Variants in DLG2 observed in about 807,000 individuals in gnomAD.
DLG2 encodes discs large MAGUK scaffold protein 2, also known as disks large homolog 2.
Under a neutral mutation model 132.5 loss-of-function variants are expected in DLG2, and 45 were observed. The observed-to-expected ratio is 0.34, with a 90% confidence interval of 0.27 to 0.44. DLG2 has a LOEUF of 0.44. Among genes scored for constraint, DLG2 ranks in the 20% least tolerant of loss-of-function variants. The pLI, the probability that DLG2 is intolerant of heterozygous loss-of-function variation, is 1.00. For missense variants in DLG2, 1,045 were observed against 1,196.9 expected (o/e 0.87, Z 1.87); for synonymous variants, 424 against 419.6 (o/e 1.01, Z -0.13).
intron 9 of DLG2, among the ~76,000 whole-genome samples, chr11:84,128,248 T>C (rs1035159630): frequency 8.5e-5 from 13 of 152,158 alleles, no homozygotes; most frequent in Non-Finnish European, 1.9e-4. Context: ...TTGTAACCAA[T>C]ACACTTAGAA....
At chr11:85,558,586 T>C (rs928738028) in intron 3 of DLG2, among the ~76,000 whole-genome samples, 2 of 151,908 alleles carry the variant, frequency 1.3e-5, no homozygotes, top group African/African-American at 4.8e-5. Context: ...GTGGTATATA[T>C]ACACCGTGGA....
Position 84,717,910 on chromosome 11 carries a change from A to G in DLG2, c.358-183179T>C, listed in dbSNP as rs913385553. ...TATTGCTGTGGCCACTTTACATATGAAGAAACTGAGACTTACATAAATCAT... is the reference window on the plus strand; with the variant it reads ...TATTGCTGTGGCCACTTTACATATGGAGAAACTGAGACTTACATAAATCAT... On this transcript the variant is annotated intron_variant, in intron 6 of 27. Transcript: ENST00000376104. Among the ~76,000 whole-genome samples, 4 of 152,220 alleles carry G rather than the reference A, an allele frequency of 2.6e-5. No individual in the cohort carries two copies. In the East Asian group the frequency reaches 7.7e-4, roughly 29 times the overall value.
chr11:84,706,719 G>A (rs911455655), intron 6 of DLG2, among the ~76,000 whole-genome samples: 16 of 151,588 alleles, frequency 1.1e-4, no homozygotes, highest in Non-Finnish European at 2.2e-4. Flanking sequence ...AAGGAAGAAA[G>A]GAAGGAAGGG....
chr11:84,029,998 A>G (rs12274799), intron 11 of DLG2, among the ~76,000 whole-genome samples: 15,491 of 152,132 alleles, frequency 0.1, 1,064 homozygotes, highest in African/African-American at 0.19. Context: ...ATACACATAC[A>G]TACACATATA....
chr11:84,172,064 A>G (rs964252998), intron 8 of DLG2, among the ~76,000 whole-genome samples: 3 of 152,218 alleles, frequency 2.0e-5, no homozygotes, highest in Admixed American at 1.3e-4. Context: ...ACAAGCTGTT[A>G]GAATTCATCT....
At chr11:84,697,663 T>C (rs10898285) in intron 6 of DLG2, among the ~76,000 whole-genome samples, 54,572 of 151,176 alleles carry the variant, frequency 0.36, 10,291 homozygotes, top group East Asian at 0.63. Flanking sequence ...ACTATCATTA[T>C]CTCTATTTTA....
chr11:84,875,547 C>A (rs142478092), intron 6 of DLG2, among the ~76,000 whole-genome samples: 16 of 151,682 alleles, frequency 1.1e-4, no homozygotes, highest in South Asian at 2.1e-4. Context: ...CTATGTACAT[C>A]ATGGTTTTCC....
chr11:83,716,394 G>A (rs1182618942), intron 18 of DLG2, among the ~76,000 whole-genome samples: 1 of 152,096 alleles, frequency 6.6e-6, no homozygotes, highest in Non-Finnish European at 1.5e-5. Flanking sequence ...CTTAACCAGT[G>A]GAATTAACAT....
chr11:85,190,437 T>C (rs1323865438), intron 4 of DLG2, among the ~76,000 whole-genome samples: 1 of 150,492 alleles, frequency 6.6e-6, no homozygotes, highest in Non-Finnish European at 1.5e-5. Context: ...CAACCTGACA[T>C]CACCCCTAAA....
At chr11:85,091,317 G>T (rs2068739245) in intron 6 of DLG2, among the ~76,000 whole-genome samples, 1 of 152,204 alleles carries the variant, frequency 6.6e-6, no homozygotes, top group Non-Finnish European at 1.5e-5. Context: ...CTAGAAAAGT[G>T]CTAAGGATGA....
At chr11:84,915,024 G>A (rs1035280729) in intron 6 of DLG2, among the ~76,000 whole-genome samples, 4 of 152,118 alleles carry the variant, frequency 2.6e-5, no homozygotes, top group African/African-American at 7.2e-5. Flanking sequence ...TATGCTAATC[G>A]GCAAATGAAC....
At chr11:84,215,954 T>C (rs2096830692) in intron 8 of DLG2, among the ~76,000 whole-genome samples, 1 of 152,214 alleles carries the variant, frequency 6.6e-6, no homozygotes. Context: ...CGGTAAGTTT[T>C]GGTTTTCTAT....
chr11:85,469,654 C>T (rs553781404), intron 3 of DLG2: 2 of 152,172 alleles, frequency 1.3e-5, no homozygotes, highest in East Asian at 1.9e-4. Context: ...TCAGTGGATT[C>T]GCATACAAGG....
intron 3 of DLG2, among the ~76,000 whole-genome samples, chr11:85,340,289 C>A (rs903540241): frequency 9.2e-5 from 14 of 152,296 alleles, no homozygotes; most frequent in Non-Finnish European, 1.5e-4. Context: ...CACATATACA[C>A]CATGGAGTAC....
intron 18 of DLG2, among the ~76,000 whole-genome samples, chr11:83,732,561 T>C (rs191659547): frequency 7.9e-5 from 12 of 152,338 alleles, no homozygotes; most frequent in African/African-American, 2.6e-4. Context: ...AATGGATTTA[T>C]TTTGGAATTT....
At chr11:83,730,225 T>C (rs1251145459) in intron 18 of DLG2, among the ~76,000 whole-genome samples, 2 of 150,778 alleles carry the variant, frequency 1.3e-5, no homozygotes, top group African/African-American at 4.9e-5. Context: ...TCATCTGCTA[T>C]AATTGCACAC....
intron 6 of DLG2, among the ~76,000 whole-genome samples, chr11:84,912,614 A>C (rs2092175744): frequency 6.6e-6 from 1 of 152,188 alleles, no homozygotes. Context: ...TGATTTCCTC[A>C]CCTAGAAGCA....
intron 18 of DLG2, among the ~76,000 whole-genome samples, chr11:83,703,622 C>T (rs1230735578): frequency 6.6e-6 from 1 of 152,126 alleles, no homozygotes; most frequent in Non-Finnish European, 1.5e-5. Flanking sequence ...GCACTCCAGC[C>T]TGGGCAACAA....
chr11:84,331,057 T>A (rs527964799), intron 7 of DLG2, among the ~76,000 whole-genome samples: 1 of 152,192 alleles, frequency 6.6e-6, no homozygotes, highest in Non-Finnish European at 1.5e-5. Flanking sequence ...TAAATGAATA[T>A]AAAATTTTTG....
Sources: allele counts gnomAD v4.1 joint callset (sites outside exome capture counted in the v4.1 genomes callset), GRCh38; gene constraint gnomAD v4.1.1; transcripts MANE v1.5; gene names NCBI Gene and HGNC (gene_info 2026-07-23, HGNC 2026-07-21).